Variants in WASF3 observed in about 807,000 individuals in gnomAD.
WASF3 encodes actin-binding protein WASF3.
A neutral mutation model predicts 46.6 loss-of-function variants in WASF3; 11 were observed. That is an observed-to-expected ratio of 0.24 (90% CI 0.15 to 0.39). The LOEUF is 0.39. Among genes scored for constraint, WASF3 ranks in the 10% least tolerant of loss-of-function variants. WASF3 has a pLI of 1.00. For synonymous variants in WASF3, 242 were observed against 259.7 expected, an observed-to-expected ratio of 0.93 and a Z score of 0.65; for missense variants, 576 against 669.8, an observed-to-expected ratio of 0.86 and a Z score of 1.55.
Position 26,591,462 on chromosome 13 carries a change from G to A in WASF3, c.-108-21499G>A, listed in dbSNP as rs577680675. Among the ~76,000 whole-genome samples, 3 of 152,224 alleles carry A rather than the reference G, an allele frequency of 2.0e-5. No homozygotes were observed. In the South Asian group the frequency reaches 6.2e-4, roughly 32 times the overall value. On this transcript the variant is annotated intron_variant, in intron 1 of 9. Transcript: ENST00000335327. ...ATGTATTTAGAAGGTGGAAACACTAGTAGGATTTACTGGTGGATCTGACAG... is the reference window on the plus strand; with the variant it reads ...ATGTATTTAGAAGGTGGAAACACTAATAGGATTTACTGGTGGATCTGACAG...
At chr13:26,575,375 C>T (rs1879765756) in intron 1 of WASF3, among the ~76,000 whole-genome samples, 1 of 152,112 alleles carries the variant, frequency 6.6e-6, no homozygotes. Flanking sequence ...CAGTTAAATA[C>T]ATAAAATGCT....
At chr13:26,668,757 A>C (rs1593180558) in intron 5 of WASF3, among the ~76,000 whole-genome samples, 1 of 152,368 alleles carries the variant, frequency 6.6e-6, no homozygotes, top group South Asian at 2.1e-4. Context: ...GGCCAAACTG[A>C]TGGCAGAGGA....
chr13:26,609,676 A>G (rs531351510), intron 1 of WASF3: 1 of 152,206 alleles, frequency 6.6e-6, no homozygotes, highest in South Asian at 2.1e-4. Flanking sequence ...TTTTGTTGCT[A>G]CCATATTGAG....
intron 2 of WASF3, among the ~76,000 whole-genome samples, chr13:26,633,613 C>G (rs183929973): frequency 2.3e-3 from 344 of 152,276 alleles, no homozygotes; most frequent in African/African-American, 7.1e-3. Context: ...TTCCTGCTTT[C>G]TCTTGTGGGC....
intron 2 of WASF3, among the ~76,000 whole-genome samples, chr13:26,634,337 T>A (rs1371013414): frequency 6.6e-6 from 1 of 152,244 alleles, no homozygotes; most frequent in African/African-American, 2.4e-5. Flanking sequence ...TCCATTTGCT[T>A]GGTAGATCTT....
chr13:26,549,077 G>A, the WASF3 span, among the ~76,000 whole-genome samples: 1 of 151,562 alleles, frequency 6.6e-6, no homozygotes, highest in Non-Finnish European at 1.5e-5. Flanking sequence ...CGACTCCCTG[G>A]TTCAAGTAAT....
chr13:26,635,177 T>C (rs1266914470), intron 2 of WASF3, among the ~76,000 whole-genome samples: 1 of 152,202 alleles, frequency 6.6e-6, no homozygotes, highest in African/African-American at 2.4e-5. Flanking sequence ...TTGGAGGCTT[T>C]GTTTGTTTCT....
chr13:26,567,123 A>G (rs1879489750), intron 1 of WASF3, among the ~76,000 whole-genome samples: 1 of 152,220 alleles, frequency 6.6e-6, no homozygotes, highest in South Asian at 2.1e-4. Context: ...ACAACAATCA[A>G]AAACAATTCT....
At chr13:26,673,322 C>CT (rs1320058724) in intron 6 of WASF3, among the ~76,000 whole-genome samples, 20 of 152,106 alleles carry the variant, frequency 1.3e-4, no homozygotes, top group Non-Finnish European at 2.5e-4. Context: ...GCTGTTTTGT[C>CT]TCATTCTACC....
the WASF3 span, among the ~76,000 whole-genome samples, chr13:26,546,197 C>T: frequency 0.2 from 29,832 of 151,962 alleles, 3,297 homozygotes; most frequent in East Asian, 0.29. Context: ...CATAGGGTAC[C>T]GGCACCCACA....
At chr13:26,657,490 A>G (rs556671847) in intron 3 of WASF3, among the ~76,000 whole-genome samples, 4 of 152,342 alleles carry the variant, frequency 2.6e-5, no homozygotes, top group East Asian at 3.9e-4. Context: ...TTAAAATAGT[A>G]TAACAACTCT....
intron 3 of WASF3, among the ~76,000 whole-genome samples, chr13:26,655,992 G>A (rs1296365700): frequency 6.6e-6 from 1 of 152,052 alleles, no homozygotes; most frequent in African/African-American, 2.4e-5. Flanking sequence ...TCCTTTTAGT[G>A]GAGTACAAAA....
intron 1 of WASF3, among the ~76,000 whole-genome samples, chr13:26,558,879 A>C (rs1392959322): frequency 6.6e-6 from 1 of 152,210 alleles, no homozygotes; most frequent in Non-Finnish European, 1.5e-5. Flanking sequence ...GAGGATAGCT[A>C]TTTGAAATAT....
At position 26,682,737 on chromosome 13, in the gene WASF3, C is replaced by G. The variant is rs1883272108; in HGVS notation, c.1114C>G (p.Pro372Ala). The stretch of plus-strand genomic sequence containing the variant: ...CCAGATGCCCATGCAGCCCCCGTTC[C>G]CTGCATCAGCCAGCTCCACGCACGC... ...PLQMPMQPPF[P>A]ASASSTHAAP... is the part of the protein sequence containing the mutation. Residue 372 changes from proline to alanine, a missense_variant, in exon 9 of 10, where the codon CCT (proline) becomes GCT (alanine). Transcript: ENST00000335327. This position sits in a 1 kb window ranked among gnomAD's most constrained non-coding sequence, Gnocchi z 4.4. 1 of 1,613,742 alleles carries G rather than the reference C, an allele frequency of 6.2e-7. No individual in the cohort carries two copies. Among genetic ancestry groups the G allele is most frequent in the Non-Finnish European group, 8.5e-7 (1 of 1,180,034 alleles).
At chr13:26,599,704 A>C (rs1477724881) in intron 1 of WASF3, among the ~76,000 whole-genome samples, 1 of 152,216 alleles carries the variant, frequency 6.6e-6, no homozygotes, top group Non-Finnish European at 1.5e-5. Context: ...ACTTTGCCAC[A>C]GATGAAAACA....
upstream of WASF3, among the ~76,000 whole-genome samples, chr13:26,554,095 C>T (rs1566032467): frequency 5.0e-4 from 45 of 90,554 alleles, no homozygotes; most frequent in Non-Finnish European, 6.5e-4. Context: ...TTCCTTCCTT[C>T]CTTCTTTCTT....
intron 1 of WASF3, among the ~76,000 whole-genome samples, chr13:26,596,367 C>G (rs1880462768): frequency 6.8e-6 from 1 of 147,808 alleles, no homozygotes; most frequent in African/African-American, 2.5e-5. Context: ...TTTGAGAGTT[C>G]TCTCTCTAGT....
At chr13:26,604,533 A>G (rs1233624144) in intron 1 of WASF3, among the ~76,000 whole-genome samples, 2 of 152,180 alleles carry the variant, frequency 1.3e-5, no homozygotes, top group African/African-American at 4.8e-5. Context: ...GTGCATCCGA[A>G]GTGCTTTGCA....
intron 6 of WASF3, among the ~76,000 whole-genome samples, chr13:26,672,579 T>C (rs1882952289): frequency 2.0e-5 from 3 of 152,162 alleles, no homozygotes. Flanking sequence ...GGTTAAGGGA[T>C]TTGTGTTTTG....
Sources: allele counts gnomAD v4.1 joint callset (sites outside exome capture counted in the v4.1 genomes callset), GRCh38; gene constraint gnomAD v4.1.1; non-coding constraint Gnocchi (gnomAD v3.1); transcripts MANE v1.5; gene names NCBI Gene and HGNC (gene_info 2026-07-23, HGNC 2026-07-21).